NUDC: variants seen among roughly 807,000 people sequenced by gnomAD.
NUDC encodes the protein nuclear distribution C, dynein complex regulator, also known as nuclear migration protein nudC.
Under a neutral mutation model 45.0 loss-of-function variants are expected in NUDC, and 14 were observed. The ratio of observed to expected loss-of-function variants is 0.31; its 90% CI spans 0.21 to 0.49. NUDC has a LOEUF of 0.49. Among genes scored for constraint, NUDC ranks in the 20% least tolerant of loss-of-function variants. NUDC has a pLI of 0.99. For synonymous variants in NUDC, 153 were observed against 156.7 expected (o/e 0.98, Z 0.17); for missense variants, 323 against 426.2 (o/e 0.76, Z 2.13).
At chr1:26,921,566 C>T (rs2082090828), upstream of NUDC, among the ~76,000 whole-genome samples, 1 of 152,256 alleles carries the variant, frequency 6.6e-6, no homozygotes, top group South Asian at 2.1e-4. Context: ...CTCGGGCCCA[C>T]GGCTCCGCCT....
intron 1 of NUDC, among the ~76,000 whole-genome samples, chr1:26,900,652 G>A (rs541541548): frequency 6.6e-6 from 1 of 152,250 alleles, no homozygotes; most frequent in Non-Finnish European, 1.5e-5. Context: ...GGAAAATGGG[G>A]TCATAGAGTT....
chr1:26,906,114 C>T (rs1308865466), intron 2 of NUDC, among the ~76,000 whole-genome samples: 1 of 152,144 alleles, frequency 6.6e-6, no homozygotes, highest in Non-Finnish European at 1.5e-5. Flanking sequence ...AACCCCGTCT[C>T]TACTAAAAAT....
At chr1:26,912,593 C>T (rs943427182) in intron 3 of NUDC, among the ~76,000 whole-genome samples, 2 of 152,142 alleles carry the variant, frequency 1.3e-5, no homozygotes, top group Non-Finnish European at 2.9e-5. Flanking sequence ...CTGGGGAACT[C>T]TCATCTCAGA....
At position 26,921,842 on chromosome 1, in the gene NUDC, C is replaced by A; in HGVS notation, c.-7C>A. 6.4e-7 allele frequency: 1 copy of A among 1,551,546 alleles called. No individual in the cohort carries two copies. The highest frequency in any genetic ancestry group is 8.7e-7 in the Non-Finnish European group (1 of 1,147,578). On this transcript the variant is annotated 5_prime_UTR_variant, in exon 1 of 9. Coordinates refer to ENST00000321265, the MANE Select transcript of NUDC (RefSeq NM_006600.4). ...AGAGCTCCGGGACGTGGATCGGAGC[C>A]GGCGCGATGGGCGGAGAGCAGGAGG...
chr1:26,918,649 G>A (rs533000772), upstream of NUDC, among the ~76,000 whole-genome samples: 166 of 147,226 alleles, frequency 1.1e-3, 2 homozygotes, highest in African/African-American at 4.1e-3. Context: ...ATCTCGGCTC[G>A]CTACAACTTC....
intron 2 of NUDC, among the ~76,000 whole-genome samples, chr1:26,907,155 C>A (rs1176154399): frequency 2.0e-5 from 3 of 152,226 alleles, no homozygotes; most frequent in Non-Finnish European, 2.9e-5. Context: ...ACCTCTTGCT[C>A]TCTGACATCT....
Position 26,924,137 on chromosome 1 carries a change from A to T in NUDC, c.130A>T (p.Ile44Phe), listed in dbSNP as rs556308052. The stretch of plus-strand genomic sequence containing the variant: ...CCTTCGACGCAAAACAGACTTTTTC[A>T]TTGGAGGAGAAGAAGGGATGGCAGA... ...SFLRRKTDFFIGGEEGMAEKL... is the reference protein window; with the variant it reads ...SFLRRKTDFFFGGEEGMAEKL... Residue 44 changes from isoleucine to phenylalanine, a missense_variant, in exon 2 of 9, where the codon ATT becomes TTT. By Grantham distance (21) the Ile-to-Phe change is conservative. Around this residue, in one of 3 missense-constraint regions of NUDC, gnomAD observed 245 missense variants for 278.8 expected, o/e 0.88. Transcript: ENST00000321265. The T allele has an allele frequency of 6.8e-6, 11 of 1,614,108 alleles. No individual in the cohort carries two copies. In the South Asian group the frequency reaches 7.7e-5, roughly 11 times the overall value.
At chr1:26,935,438 G>A (rs1485632021) in intron 2 of NUDC, among the ~76,000 whole-genome samples, 1 of 152,150 alleles carries the variant, frequency 6.6e-6, no homozygotes, top group Non-Finnish European at 1.5e-5. Flanking sequence ...GAAACTTACA[G>A]TCAGGGTGGA....
At chr1:26,935,464 A>C (rs1209773369) in intron 2 of NUDC, among the ~76,000 whole-genome samples, 1 of 152,134 alleles carries the variant, frequency 6.6e-6, no homozygotes, top group East Asian at 1.9e-4. Flanking sequence ...AAGGGGAAGC[A>C]GGTACCACCT....
chr1:26,928,212 A>G (rs1408082740), intron 2 of NUDC, among the ~76,000 whole-genome samples: 2 of 152,188 alleles, frequency 1.3e-5, no homozygotes, highest in Admixed American at 6.5e-5. Context: ...TTCAGTAGGC[A>G]AAGCATGATT....
intron 6 of NUDC, among the ~76,000 whole-genome samples, chr1:26,944,234 A>G (rs1433050221): frequency 2.0e-5 from 3 of 149,934 alleles, no homozygotes; most frequent in Non-Finnish European, 4.4e-5. Context: ...TTTTTGAGAC[A>G]GGGTCTTGTT....
upstream of NUDC, among the ~76,000 whole-genome samples, chr1:26,917,276 A>G (rs1337321017): frequency 6.6e-6 from 1 of 151,174 alleles, no homozygotes. Context: ...AATAATAATA[A>G]TAGGGCTGGA....
chr1:26,900,819 C>G (rs1260445341), intron 1 of NUDC, among the ~76,000 whole-genome samples: 1 of 152,154 alleles, frequency 6.6e-6, no homozygotes, highest in Non-Finnish European at 1.5e-5. Context: ...TGTTGATGAA[C>G]TCCCACAAAT....
At chr1:26,935,677 CAG>C (rs1307004575) in intron 2 of NUDC, among the ~76,000 whole-genome samples, 1 of 151,962 alleles carries the variant, frequency 6.6e-6, no homozygotes, top group East Asian at 1.9e-4. Flanking sequence ...GGTGGGGACA[CAG>C]AACTAGATGA....
At chr1:26,929,257 A>T (rs1424715196) in intron 2 of NUDC, among the ~76,000 whole-genome samples, 2 of 152,120 alleles carry the variant, frequency 1.3e-5, no homozygotes, top group African/African-American at 4.8e-5. Context: ...AATTTTTTTT[A>T]AATGACAGTA....
chr1:26,935,263 G>A (rs983371690), intron 2 of NUDC, among the ~76,000 whole-genome samples: 1 of 152,156 alleles, frequency 6.6e-6, no homozygotes, highest in African/African-American at 2.4e-5. Flanking sequence ...GATTACAGGC[G>A]TGAGCCACCG....
upstream of NUDC, among the ~76,000 whole-genome samples, chr1:26,919,808 A>G (rs1249775370): frequency 6.6e-6 from 1 of 152,236 alleles, no homozygotes; most frequent in Non-Finnish European, 1.5e-5. Flanking sequence ...GAGTGGGAAG[A>G]AATAGTAGTC....
intron 2 of NUDC, among the ~76,000 whole-genome samples, chr1:26,905,914 A>G (rs2082000891): frequency 6.6e-6 from 1 of 152,140 alleles, no homozygotes; most frequent in Non-Finnish European, 1.5e-5. Context: ...TGGGAGGTGG[A>G]GGTGGGTGGA....
chr1:26,942,807 G>A, intron 5 of NUDC, 31 bp downstream of exon 5: 1 of 1,614,140 alleles, frequency 6.2e-7, no homozygotes, highest in Non-Finnish European at 8.5e-7. Context: ...GTAAAGCTTA[G>A]GGGGCCAGCC....
Sources: gnomAD v4.1 joint callset for allele counts (sites outside exome capture counted in the v4.1 genomes callset) on GRCh38, gnomAD v4.1.1 for gene constraint, gnomAD v4.1.1 regional missense constraint, MANE v1.5 for transcripts, NCBI Gene and HGNC (gene_info 2026-07-23, HGNC 2026-07-21) for gene names.